DSCAM: variants seen among roughly 807,000 people sequenced by gnomAD.
DSCAM encodes DS cell adhesion molecule.
In DSCAM, 47 loss-of-function variants were observed where a neutral mutation model predicts 217.7. The observed-to-expected ratio is 0.22, with a 90% CI of 0.17 to 0.28. The LOEUF (loss-of-function observed/expected upper bound fraction) is 0.28, where lower values mean the gene tolerates loss of function less well. Ranked by LOEUF, DSCAM falls within the 10% of genes least tolerant of loss-of-function variation. The pLI, the probability that DSCAM is intolerant of heterozygous loss-of-function variation, is 1.00. For synonymous variants in DSCAM, 1,056 were observed against 1,015.3 expected (o/e 1.04, Z -0.76); for missense variants, 2,080 against 2,618.3 (o/e 0.79, Z 4.49).
intron 6 of DSCAM, among the ~76,000 whole-genome samples, chr21:40,345,907 C>T (rs2074553053): frequency 1.3e-5 from 2 of 151,746 alleles, no homozygotes; most frequent in South Asian, 2.1e-4. Context: ...CGGTGCGCCT[C>T]GGCCCCCTTT....
chr21:40,573,942 T>A (rs1420338693), intron 3 of DSCAM, among the ~76,000 whole-genome samples: 1 of 152,044 alleles, frequency 6.6e-6, no homozygotes, highest in East Asian at 1.9e-4. Flanking sequence ...AAATAGAACA[T>A]CTAAATAGCC....
At chr21:40,800,479 G>C (rs112574826) in intron 1 of DSCAM, among the ~76,000 whole-genome samples, 1 of 152,150 alleles carries the variant, frequency 6.6e-6, no homozygotes, top group Non-Finnish European at 1.5e-5. Flanking sequence ...TTGGTTAAAT[G>C]GTGGTGACCA....
At chr21:40,030,553 C>T (rs574298626) in intron 32 of DSCAM, among the ~76,000 whole-genome samples, 70 of 152,234 alleles carry the variant, frequency 4.6e-4, no homozygotes, top group African/African-American at 1.7e-3. Context: ...ATGAGCTTGG[C>T]GTTCACAACA....
intron 2 of DSCAM, 111 bp downstream of exon 2, chr21:40,708,343 G>A: frequency 1.1e-6 from 1 of 903,720 alleles, no homozygotes; most frequent in Non-Finnish European, 1.5e-6. Context: ...ATGAACTGAT[G>A]ATGGGGTTTT....
chr21:40,217,678 T>G (rs1053172604), intron 11 of DSCAM, among the ~76,000 whole-genome samples: 6 of 152,178 alleles, frequency 3.9e-5, no homozygotes, highest in Admixed American at 2.6e-4. Flanking sequence ...TTTTTATACT[T>G]TTTAATAATA....
chr21:40,814,046 C>T (rs1416212768), intron 1 of DSCAM, among the ~76,000 whole-genome samples: 1 of 152,132 alleles, frequency 6.6e-6, no homozygotes. Context: ...TTCCAGTGGT[C>T]ATCAATGCAG....
At chr21:40,610,236 G>A (rs191721179) in intron 3 of DSCAM, among the ~76,000 whole-genome samples, 3 of 152,278 alleles carry the variant, frequency 2.0e-5, no homozygotes, top group East Asian at 3.9e-4. Flanking sequence ...GGAGGAAATT[G>A]CAGACCATCT....
chr21:40,060,865 G>A (rs529192905), intron 28 of DSCAM, among the ~76,000 whole-genome samples: 2 of 151,594 alleles, frequency 1.3e-5, no homozygotes, highest in African/African-American at 2.4e-5. Flanking sequence ...GCAGATCTTT[G>A]TTTTATCAGA....
intron 8 of DSCAM, among the ~76,000 whole-genome samples, chr21:40,314,432 T>C (rs1026696710): frequency 6.6e-6 from 1 of 152,146 alleles, no homozygotes; most frequent in Non-Finnish European, 1.5e-5. Context: ...TGCTAAGAGA[T>C]AAAGGTCTCA....
At chr21:40,252,031 T>C (rs1484836110) in intron 11 of DSCAM, among the ~76,000 whole-genome samples, 1 of 152,124 alleles carries the variant, frequency 6.6e-6, no homozygotes, top group Non-Finnish European at 1.5e-5. Flanking sequence ...AGATCCCCAC[T>C]TGAGCCTTCA....
chr21:40,012,739 TC>T lies in DSCAM; in HGVS notation c.*294del, dbSNP rs60564669. 0.22 allele frequency: 42,504 copies of T among 193,796 alleles called. 5,026 individuals carry two copies. Among genetic ancestry groups the T allele is most frequent in the African/African-American group, 0.26 (11,153 of 42,920 alleles). 12.0% of individuals were successfully genotyped at this position (193,796 alleles called of 1,614,324 possible). A position where few individuals can be genotyped will look rare whatever the true frequency, so the allele number is the denominator to read the frequency against. ...ACTTCCAGTCAGAAGGTTTAATTAA[TC>T]CCCCCCATGCACTTTTGTAGAAAAT... On this transcript the variant is annotated 3_prime_UTR_variant, in exon 33 of 33. Coordinates refer to ENST00000400454, the MANE Select transcript of DSCAM (RefSeq NM_001389.5).
chr21:40,712,452 A>G (rs1396414797), intron 1 of DSCAM, among the ~76,000 whole-genome samples: 5 of 141,228 alleles, frequency 3.5e-5, no homozygotes, highest in African/African-American at 5.3e-5. Flanking sequence ...CCTGGGCGAC[A>G]GAGCGAGACT....
intron 11 of DSCAM, among the ~76,000 whole-genome samples, chr21:40,254,731 T>C (rs757811110): frequency 6.6e-6 from 1 of 152,084 alleles, no homozygotes; most frequent in Non-Finnish European, 1.5e-5. Context: ...CCTCTCCAAC[T>C]TCCTGTACTC....
chr21:40,263,016 G>A (rs1601496231), intron 11 of DSCAM, among the ~76,000 whole-genome samples: 1 of 152,194 alleles, frequency 6.6e-6, no homozygotes, highest in South Asian at 2.1e-4. Context: ...ATAAGGATGT[G>A]TGCTTAGGCT....
intron 32 of DSCAM, among the ~76,000 whole-genome samples, chr21:40,033,419 CACCTGGAAAATCGGGTCACTCCCACCCG>C (rs1378259924): frequency 1.3e-5 from 2 of 152,166 alleles, no homozygotes; most frequent in East Asian, 1.9e-4. Context: ...TGACGGACGG[CACCTGGAAAATCGGGTCACTCCCACCCG>C]AATACTGCGC....
intron 3 of DSCAM, chr21:40,385,241 C>A (rs1389380410): frequency 6.6e-6 from 1 of 152,166 alleles, no homozygotes; most frequent in Non-Finnish European, 1.5e-5. Flanking sequence ...TCCTTAAGAT[C>A]TCTCTATGTT....
At chr21:40,796,962 A>G (rs2091697014) in intron 1 of DSCAM, among the ~76,000 whole-genome samples, 2 of 152,312 alleles carry the variant, frequency 1.3e-5, no homozygotes, top group South Asian at 2.1e-4. Flanking sequence ...TGTAACTACA[A>G]TGGTTTACTG....
intron 3 of DSCAM, among the ~76,000 whole-genome samples, chr21:40,643,789 T>C (rs1245731981): frequency 6.6e-6 from 1 of 152,194 alleles, no homozygotes; most frequent in Non-Finnish European, 1.5e-5. Flanking sequence ...GGAAACACCA[T>C]GTGAGCACAC....
intron 3 of DSCAM, among the ~76,000 whole-genome samples, chr21:40,478,184 G>C (rs918938099): frequency 1.3e-5 from 2 of 152,066 alleles, no homozygotes; most frequent in Admixed American, 6.6e-5. Flanking sequence ...TGTAGTTGTT[G>C]GCTGTTCATT....
Sources: gnomAD v4.1 joint callset for allele counts (sites outside exome capture counted in the v4.1 genomes callset) on GRCh38, gnomAD v4.1.1 for gene constraint, MANE v1.5 for transcripts, NCBI Gene and HGNC (gene_info 2026-07-23, HGNC 2026-07-21) for gene names.